CENPE: variants seen among roughly 807,000 people sequenced by gnomAD.
The protein encoded by CENPE is centromere-associated protein E.
In CENPE, 145 loss-of-function variants were observed where a neutral mutation model predicts 336.1. The ratio of observed to expected loss-of-function variants is 0.43; its 90% CI spans 0.38 to 0.50. CENPE has a LOEUF of 0.50. CENPE is among the 20% of genes least tolerant of loss of function. CENPE has a pLI of 0.00. For synonymous variants in CENPE, 1,013 were observed against 984.8 expected (o/e 1.03, Z -0.54); for missense variants, 2,719 against 3,023.3 (o/e 0.90, Z 2.36).
At position 103,158,450 on chromosome 4, in the gene CENPE, A is replaced by T; in HGVS notation, c.2883T>A (p.Asp961Glu). ...GAGCATTTCGTAATTGTTCTTGAGTATCTATATTCTTTGTTAGAAAAATAT... is the reference window on the plus strand; with the variant it reads ...GAGCATTTCGTAATTGTTCTTGAGTTTCTATATTCTTTGTTAGAAAAATAT... The part of the protein sequence containing the change: ...DIHDTVNMNI[D>E]TQEQLRNALE... The change falls in exon 24 of 49, where the codon GAT becomes GAA. Residue 961 changes from aspartate (D) to glutamate (E), a missense_variant. Physicochemically the swap from Asp to Glu is conservative, Grantham distance 45. Coordinates refer to ENST00000265148, the MANE Select transcript of CENPE (RefSeq NM_001813.3). 6.4e-7 allele frequency: 1 copy of T among 1,556,306 alleles called. No individual in the cohort carries two copies. The highest frequency in any genetic ancestry group is 8.7e-7 in the Non-Finnish European group (1 of 1,155,912).
At chr4:103,174,423 C>T (rs1358162886) in intron 16 of CENPE, among the ~76,000 whole-genome samples, 3 of 151,940 alleles carry the variant, frequency 2.0e-5, no homozygotes, top group Non-Finnish European at 4.4e-5. Context: ...ATTTCAACAG[C>T]TCTATTGTAC....
chr4:103,143,444 T>A, intron 33 of CENPE, 38 bp from the exon 34 acceptor site: 1 of 1,338,656 alleles, frequency 7.5e-7, no homozygotes, highest in Non-Finnish European at 1.1e-6. Context: ...ACATTGAGAG[T>A]AGTACCATCC....
chr4:103,185,896 A>G, intron 8 of CENPE, 35 bp from the exon 9 acceptor site: 1 of 1,379,788 alleles, frequency 7.2e-7, no homozygotes, highest in Non-Finnish European at 1.0e-6. Context: ...CTTAGGGCAG[A>G]TAATTTGAAA....
chr4:103,117,589 C>T (rs59783983), intron 44 of CENPE, among the ~76,000 whole-genome samples: 1,588 of 149,482 alleles, frequency 0.011, 23 homozygotes, highest in African/African-American at 0.033. Flanking sequence ...TTTCACTAAC[C>T]AATGTGTATT....
At position 103,144,735 on chromosome 4, in the gene CENPE, C is replaced by T. The variant is rs949618933; in HGVS notation, c.4858-117G>A. 12 of 697,616 alleles carry T rather than the reference C, an allele frequency of 1.7e-5. No homozygotes were observed. The African/African-American group carries it at 2.2e-4, about 13-fold the overall frequency. The allele number at this position is 697,616 out of a possible 1,614,324, so 43.2% of individuals were successfully genotyped here. On this transcript the variant is annotated intron_variant, in intron 32 of 48. Transcript: ENST00000265148. ...TGTAATCTAATGTATGTAGTACTTT[C>T]TTTCATAAGGGATATGAGTAACAAT...
chr4:103,152,999 CAAAT>C, intron 25 of CENPE, 44 bp downstream of exon 25: 1 of 1,347,532 alleles, frequency 7.4e-7, no homozygotes, highest in Non-Finnish European at 1.0e-6. Flanking sequence ...AAATCTGAAA[CAAAT>C]GAAGACAAAA....
chr4:103,191,682 T>A (rs555594951), intron 8 of CENPE, among the ~76,000 whole-genome samples: 5 of 151,464 alleles, frequency 3.3e-5, no homozygotes, highest in Admixed American at 6.6e-5. Context: ...CATTAGGAGA[T>A]ATACCTAATG....
In CENPE at chr4:103,181,269, A is replaced by C. The variant is rs1006469595; in HGVS notation, c.1083+68T>G. On this transcript the variant is annotated intron_variant, in intron 12 of 48. Coordinates refer to ENST00000265148, the MANE Select transcript of CENPE (RefSeq NM_001813.3). The stretch of plus-strand genomic sequence containing the variant: ...GATATTCAGGAATGAAGAGTCTCTG[A>C]GCATTTGGGCAGGTCTCCATTCTAA... The C allele has an allele frequency of 1.1e-5, 13 of 1,153,652 alleles. No individual in the cohort carries two copies. In the African/African-American group the frequency reaches 2.1e-4, roughly 19 times the overall value. The allele number at this position is 1,153,652 out of a possible 1,614,324, so 71.5% of individuals were successfully genotyped here. A position where few individuals can be genotyped will look rare whatever the true frequency, so the allele number is the denominator to read the frequency against.
intron 8 of CENPE, among the ~76,000 whole-genome samples, chr4:103,190,647 A>C (rs1043782647): frequency 7.2e-5 from 11 of 152,366 alleles, no homozygotes; most frequent in African/African-American, 2.6e-4. Context: ...TTAATTCAAG[A>C]TGGATTAAAG....
chr4:103,196,872 A>AT, intron 1 of CENPE, 22 bp from the exon 2 acceptor site: 1 of 1,173,582 alleles, frequency 8.5e-7, no homozygotes. Flanking sequence ...AAAACACCGC[A>AT]TTTTAACCAG....
chr4:103,176,242 C>T (rs1755849642), intron 14 of CENPE, among the ~76,000 whole-genome samples, 194 bp from the exon 15 acceptor site: 1 of 152,054 alleles, frequency 6.6e-6, no homozygotes, highest in Non-Finnish European at 1.5e-5. Context: ...TTAAGATGAT[C>T]ACTGGTTGGA....
At chr4:103,193,068 C>G (rs1344875112) in intron 8 of CENPE, among the ~76,000 whole-genome samples, 1 of 151,962 alleles carries the variant, frequency 6.6e-6, no homozygotes, top group Non-Finnish European at 1.5e-5. Flanking sequence ...AGAGATGACT[C>G]TTTAGAGACT....
In CENPE at chr4:103,158,466, A is replaced by G. The variant is rs1263063947; in HGVS notation, c.2875-8T>C. The G allele has an allele frequency of 6.5e-7, 1 of 1,534,370 alleles. No homozygotes were observed. The highest frequency in any genetic ancestry group is 1.4e-5 in the African/African-American group (1 of 71,416). Reference sequence around the variant, plus strand: ...TTCTTGAGTATCTATATTCTTTGTTAGAAAAATATAAAAACAATTTCCATT... The same window carrying G: ...TTCTTGAGTATCTATATTCTTTGTTGGAAAAATATAAAAACAATTTCCATT... On this transcript the variant is annotated splice_region_variant and splice_polypyrimidine_tract_variant and intron_variant, in intron 23 of 48. Coordinates refer to ENST00000265148, the MANE Select transcript of CENPE (RefSeq NM_001813.3).
At position 103,149,145 on chromosome 4, in the gene CENPE, T is replaced by A. The variant is rs1184031029; in HGVS notation, c.3660A>T (p.Arg1220Ser). 2 of 1,605,060 alleles carry A rather than the reference T, an allele frequency of 1.2e-6. No individual in the cohort carries two copies. Among genetic ancestry groups the A allele is most frequent in the Admixed American group, 3.4e-5 (2 of 58,466 alleles). ...TAGCTTCAATTTCTCTTATATATCC[T>A]CTAAGGTGGTCTCTCTCTGTTTCAA... ...KSFETERDHL[R>S]GYIREIEATG... The change falls in exon 27 of 49, where the codon AGA becomes AGT. Residue 1220 changes from arginine (R) to serine (S), a missense_variant. Coordinates refer to ENST00000265148, the MANE Select transcript of CENPE (RefSeq NM_001813.3).
intron 16 of CENPE, among the ~76,000 whole-genome samples, chr4:103,170,024 A>T (rs568958711): frequency 6.6e-6 from 1 of 152,278 alleles, no homozygotes; most frequent in Admixed American, 6.5e-5. Flanking sequence ...TCAGCAAACT[A>T]ACACAAGAAC....
At chr4:103,119,316 G>T (rs1435668211) in intron 44 of CENPE, among the ~76,000 whole-genome samples, 7 of 151,974 alleles carry the variant, frequency 4.6e-5, no homozygotes, top group Non-Finnish European at 8.8e-5. Context: ...ACACATAGCT[G>T]GTGCTCAGCA....
intron 15 of CENPE, among the ~76,000 whole-genome samples, chr4:103,175,374 T>TA (rs534785266): frequency 2.0e-4 from 31 of 151,588 alleles, no homozygotes; most frequent in East Asian, 5.8e-4. Flanking sequence ...CCAGAGATTG[T>TA]AAAAAAAACC....
chr4:103,164,218 T>C (rs1357594297), intron 16 of CENPE, among the ~76,000 whole-genome samples: 5 of 152,112 alleles, frequency 3.3e-5, no homozygotes, highest in African/African-American at 4.8e-5. Context: ...TATTGAGGTG[T>C]CCTTTCTACC....
intron 14 of CENPE, 35 bp from the exon 15 acceptor site, chr4:103,176,083 C>A (rs766894442): frequency 3.1e-6 from 4 of 1,283,614 alleles, no homozygotes; most frequent in Non-Finnish European, 4.3e-6. Context: ...TGTCCATGAA[C>A]ATGTTTACCA....
Sources: gnomAD v4.1 joint callset for allele counts (sites outside exome capture counted in the v4.1 genomes callset) on GRCh38, gnomAD v4.1.1 for gene constraint, MANE v1.5 for transcripts, NCBI Gene and HGNC (gene_info 2026-07-23, HGNC 2026-07-21) for gene names.